The following TCERG1 variants were observed in gnomAD, a reference collection of about 807,000 sequenced individuals.
TCERG1 encodes TATA box binding protein (TBP)-associated factor, RNA polymerase II, S, 150kD.
TCERG1 carries 37 observed loss-of-function variants against 144.7 expected under a neutral mutation model. The observed-to-expected ratio is 0.26, with a 90% confidence interval of 0.20 to 0.34. TCERG1 has a LOEUF of 0.34. Among genes scored for constraint, TCERG1 ranks in the 10% least tolerant of loss-of-function variants. The pLI is 1.00. For synonymous variants in TCERG1, 492 were observed against 458.2 expected, an observed-to-expected ratio of 1.07 and a Z score of -0.94; for missense variants, 1,027 against 1,380.7, an observed-to-expected ratio of 0.74 and a Z score of 4.06.
intron 19 of TCERG1, among the ~76,000 whole-genome samples, chr5:146,506,532 C>G (rs530223483): frequency 2.0e-5 from 3 of 152,290 alleles, no homozygotes; most frequent in Admixed American, 2.0e-4. Context: ...GGAATTTACT[C>G]TCAGTTATTT....
At chr5:146,448,971 A>G (rs543141246) in intron 1 of TCERG1, among the ~76,000 whole-genome samples, 23 of 152,338 alleles carry the variant, frequency 1.5e-4, no homozygotes, top group African/African-American at 5.1e-4. Context: ...CTGTTGCACA[A>G]CTGATTTGAA....
Position 146,455,216 on chromosome 5 carries a change from C to G in TCERG1, c.220C>G (p.Pro74Ala). 6.2e-7 allele frequency: 1 copy of G among 1,614,224 alleles called. No individual in the cohort carries two copies. Among genetic ancestry groups the G allele is most frequent in the Non-Finnish European group, 8.5e-7 (1 of 1,180,034 alleles). The change falls in exon 2 of 23, where the codon CCT (proline) becomes GCT (alanine). Residue 74 changes from proline to alanine, a missense_variant. Physicochemically the swap from Pro to Ala is conservative, Grantham distance 27. Transcript: ENST00000679501. ...GCCCTTTGGACGTCCTCCTTTTGATCCTAATATGCCGCCAATGCCTCCTCC... is the reference window on the plus strand; with the variant it reads ...GCCCTTTGGACGTCCTCCTTTTGATGCTAATATGCCGCCAATGCCTCCTCC... ...RPPFGRPPFDPNMPPMPPPGG... is the reference protein window; with the variant it reads ...RPPFGRPPFDANMPPMPPPGG...
intron 22 of TCERG1, chr5:146,510,182 C>A: frequency 9.9e-7 from 1 of 1,006,656 alleles, no homozygotes; most frequent in African/African-American, 1.6e-5. Context: ...GCAAGATTTA[C>A]CCACCCACCC....
intron 16 of TCERG1, among the ~76,000 whole-genome samples, chr5:146,497,642 AT>A (rs1166902910): frequency 1.3e-5 from 2 of 152,048 alleles, no homozygotes; most frequent in African/African-American, 4.8e-5. Flanking sequence ...AAAAGTGGAT[AT>A]TTTTGTTTTA....
intron 5 of TCERG1, among the ~76,000 whole-genome samples, chr5:146,464,832 G>C (rs1410153891): frequency 6.6e-6 from 1 of 152,096 alleles, no homozygotes; most frequent in East Asian, 1.9e-4. Context: ...CTATTTCTTA[G>C]ATTTGCACAC....
chr5:146,510,318 TAAAAAAAAAAAA>T (rs546570760), intron 22 of TCERG1, 111 bp from the exon 23 acceptor site: 5 of 550,952 alleles, frequency 9.1e-6, no homozygotes, highest in Middle Eastern at 5.2e-4. Flanking sequence ...AAATTTTTCT[TAAAAAAAAAAAA>T]AAAAAAAAAA....
intron 15 of TCERG1, among the ~76,000 whole-genome samples, chr5:146,485,923 G>A (rs970758663): frequency 2.0e-5 from 3 of 152,172 alleles, no homozygotes; most frequent in East Asian, 1.9e-4. Context: ...TTGAACACCG[G>A]ACCTCAAGTA....
rs1764697119 is a variant in TCERG1, at chr5:146,474,969, T to TA, written c.1601+3394dup. Among the ~76,000 whole-genome samples the TA allele has an allele frequency of 2.0e-5, 3 of 152,134 alleles. No homozygotes were observed. In the South Asian group the frequency reaches 6.2e-4, roughly 31 times the overall value. ...GGAGCTGAACCCACAATATCCGAGG[T>TA]ACGCCTGTCTACTTCTTTTTTTCTC... On this transcript the variant is annotated intron_variant, in intron 9 of 22. Transcript: ENST00000679501.
At chr5:146,483,490 A>T in intron 14 of TCERG1, 50 bp from the exon 15 acceptor site, 1 of 1,522,694 alleles carries the variant, frequency 6.6e-7, no homozygotes, top group South Asian at 1.2e-5. Context: ...TATGACCTTT[A>T]TATTTTTAGA....
chr5:146,457,105 T>C lies in TCERG1; in HGVS notation c.286-78T>C, dbSNP rs1025121142. ...TAAAACTAGTTTCTCTTACAGTGTT[T>C]TACTTTTGAATAGAATTCAGTAATA... On this transcript the variant is annotated intron_variant, in intron 2 of 22. Transcript: ENST00000679501. 2.6e-5 allele frequency: 41 copies of C among 1,548,318 alleles called. No homozygotes were observed. In the African/African-American group the frequency reaches 5.6e-4, roughly 21 times the overall value.
At chr5:146,460,718 C>G (rs1393519775) in intron 4 of TCERG1, among the ~76,000 whole-genome samples, 5 of 152,044 alleles carry the variant, frequency 3.3e-5, no homozygotes, top group Non-Finnish European at 7.4e-5. Context: ...TTTAAAGATC[C>G]TCTTAATGGT....
chr5:146,510,771 T>C lies in TCERG1; in HGVS notation c.*129T>C. On this transcript the variant is annotated 3_prime_UTR_variant, in exon 23 of 23. Transcript: ENST00000679501. ...TGACAAACAGAAGGAGAAGCATTTG[T>C]GAACAGTTTCTGAACAGAACACTTT... The C allele has an allele frequency of 1.2e-6, 1 of 866,220 alleles. No individual in the cohort carries two copies. Among genetic ancestry groups the C allele is most frequent in the Non-Finnish European group, 1.7e-6 (1 of 589,000 alleles). 53.7% of individuals were successfully genotyped at this position (866,220 alleles called of 1,614,324 possible).
intron 10 of TCERG1, among the ~76,000 whole-genome samples, chr5:146,479,017 T>TA (rs1765100107): frequency 6.6e-6 from 1 of 152,180 alleles, no homozygotes; most frequent in Admixed American, 6.5e-5. Context: ...CTTGAAATAA[T>TA]ACATTACAAA....
intron 9 of TCERG1, among the ~76,000 whole-genome samples, chr5:146,474,419 A>G (rs141514571): frequency 1.5e-3 from 222 of 152,328 alleles, no homozygotes; most frequent in African/African-American, 5.1e-3. Context: ...GATAGAATCT[A>G]CTGGTGAAGA....
intron 19 of TCERG1, among the ~76,000 whole-genome samples, chr5:146,506,247 G>A (rs1767983119): frequency 1.3e-5 from 2 of 152,144 alleles, no homozygotes; most frequent in Admixed American, 6.5e-5. Context: ...ATTTTAGTCT[G>A]TGTTTCTTCA....
chr5:146,506,992 C>G, intron 19 of TCERG1, 36 bp from the exon 20 acceptor site: 1 of 1,494,966 alleles, frequency 6.7e-7, no homozygotes, highest in Non-Finnish European at 8.9e-7. Context: ...TCAGATAAGT[C>G]TCTTTGGTGA....
At chr5:146,509,840 C>T (rs1261707403) in intron 22 of TCERG1, among the ~76,000 whole-genome samples, 1 of 152,192 alleles carries the variant, frequency 6.6e-6, no homozygotes, top group Non-Finnish European at 1.5e-5. Flanking sequence ...GCTTACCAGT[C>T]AGTATGCAGG....
chr5:146,492,587 C>G (rs1330765833), intron 15 of TCERG1, among the ~76,000 whole-genome samples: 1 of 152,110 alleles, frequency 6.6e-6, no homozygotes, highest in Non-Finnish European at 1.5e-5. Flanking sequence ...ATATTTCTTT[C>G]TAAAAGGGAT....
At chr5:146,495,321 G>A (rs1407358145) in intron 16 of TCERG1, among the ~76,000 whole-genome samples, 1 of 152,142 alleles carries the variant, frequency 6.6e-6, no homozygotes, top group African/African-American at 2.4e-5. Flanking sequence ...TAAGTTTTGG[G>A]TTTTGGAGCA....
Sources: gnomAD v4.1 joint callset for allele counts (sites outside exome capture counted in the v4.1 genomes callset) on GRCh38, gnomAD v4.1.1 for gene constraint, MANE v1.5 for transcripts, NCBI Gene and HGNC (gene_info 2026-07-23, HGNC 2026-07-21) for gene names.